Variants in MAPKAP1 observed in about 807,000 individuals in gnomAD.
The protein encoded by MAPKAP1 is target of rapamycin complex 2 subunit MAPKAP1.
In MAPKAP1, 20 loss-of-function variants were observed where a neutral mutation model predicts 65.7. The observed-to-expected ratio is 0.30, with a 90% CI of 0.21 to 0.44. MAPKAP1 has a LOEUF of 0.44. Ranked by LOEUF, MAPKAP1 falls within the 20% of genes least tolerant of loss-of-function variation. The pLI, the probability that MAPKAP1 is intolerant of heterozygous loss-of-function variation, is 1.00. For synonymous variants in MAPKAP1, 222 were observed against 244.3 expected (o/e 0.91, Z 0.85); for missense variants, 423 against 648.0 (o/e 0.65, Z 3.77).
At chr9:125,636,153 TG>T (rs751534027) in intron 4 of MAPKAP1, among the ~76,000 whole-genome samples, 1 of 152,136 alleles carries the variant, frequency 6.6e-6, no homozygotes, top group Non-Finnish European at 1.5e-5. Context: ...GAGTGAACCC[TG>T]GGGAACTGCT....
chr9:125,700,506 T>C (rs1179227598), intron 1 of MAPKAP1, among the ~76,000 whole-genome samples: 1 of 152,242 alleles, frequency 6.6e-6, no homozygotes, highest in Non-Finnish European at 1.5e-5. Flanking sequence ...TTAATTCCAA[T>C]AGTTATTCTA....
intron 10 of MAPKAP1, among the ~76,000 whole-genome samples, chr9:125,466,390 T>G (rs890231591): frequency 6.6e-6 from 1 of 152,190 alleles, no homozygotes; most frequent in Non-Finnish European, 1.5e-5. Context: ...GCAGTGAGCC[T>G]CTTTGTTAAG....
intron 4 of MAPKAP1, among the ~76,000 whole-genome samples, chr9:125,618,441 G>C (rs1027674982): frequency 2.8e-5 from 4 of 141,730 alleles, no homozygotes; most frequent in African/African-American, 1.0e-4. Flanking sequence ...GGAAAAGAAA[G>C]CAGGAAAATA....
At chr9:125,548,663 T>C (rs1404318572) in intron 6 of MAPKAP1, among the ~76,000 whole-genome samples, 1 of 152,130 alleles carries the variant, frequency 6.6e-6, no homozygotes, top group Admixed American at 6.5e-5. Flanking sequence ...ATATAATAAA[T>C]GCTTATAGAT....
chr9:125,551,408 C>G (rs1185830985), intron 6 of MAPKAP1, among the ~76,000 whole-genome samples: 1 of 152,166 alleles, frequency 6.6e-6, no homozygotes, highest in African/African-American at 2.4e-5. Context: ...TCCCTTTCTG[C>G]AGAGCCAAGA....
chr9:125,645,256 T>C (rs557458845), intron 4 of MAPKAP1, among the ~76,000 whole-genome samples: 23 of 152,130 alleles, frequency 1.5e-4, no homozygotes, highest in Non-Finnish European at 2.1e-4. Flanking sequence ...AACCCCAGCC[T>C]CCTCACAAAA....
intron 9 of MAPKAP1, among the ~76,000 whole-genome samples, chr9:125,480,974 G>GAAAAAAA (rs1564525845): frequency 1.0e-5 from 1 of 97,630 alleles, no homozygotes; most frequent in African/African-American, 4.2e-5. Context: ...TCCGTTTCGG[G>GAAAAAAA]GAAAAAAAAA....
At chr9:125,615,846 G>A (rs1315089804) in intron 4 of MAPKAP1, among the ~76,000 whole-genome samples, 8 of 151,788 alleles carry the variant, frequency 5.3e-5, no homozygotes, top group South Asian at 2.1e-4. Flanking sequence ...TTGCAGAGGC[G>A]GATGTTGCAG....
At chr9:125,477,949 G>C (rs1343431508) in intron 9 of MAPKAP1, 1 of 152,200 alleles carries the variant, frequency 6.6e-6, no homozygotes, top group African/African-American at 2.4e-5. Flanking sequence ...GACTGACAGA[G>C]GGAAAGCAGA....
intron 4 of MAPKAP1, among the ~76,000 whole-genome samples, chr9:125,590,612 T>C (rs940074203): frequency 2.7e-5 from 4 of 150,744 alleles, no homozygotes; most frequent in Non-Finnish European, 5.9e-5. Context: ...ATGGCGCCAC[T>C]GCACTCCAGC....
intron 6 of MAPKAP1, among the ~76,000 whole-genome samples, chr9:125,543,535 CA>C (rs1830322691): frequency 6.6e-6 from 1 of 152,046 alleles, no homozygotes; most frequent in Non-Finnish European, 1.5e-5. Flanking sequence ...CTCGGCCTCC[CA>C]AAGTGCTGGG....
At chr9:125,479,976 A>C (rs1854248490) in intron 9 of MAPKAP1, among the ~76,000 whole-genome samples, 1 of 152,200 alleles carries the variant, frequency 6.6e-6, no homozygotes, top group Admixed American at 6.6e-5. Flanking sequence ...AGGTGAAATA[A>C]AATAAATTAT....
intron 1 of MAPKAP1, among the ~76,000 whole-genome samples, chr9:125,705,829 A>G (rs1438479829): frequency 6.6e-6 from 1 of 152,212 alleles, no homozygotes; most frequent in Non-Finnish European, 1.5e-5. Context: ...TGTTCTACAA[A>G]AATCAATGGA....
At chr9:125,521,772 A>C (rs368351158) in intron 7 of MAPKAP1, 1 of 1,612,682 alleles carries the variant, frequency 6.2e-7, no homozygotes, top group African/African-American at 1.3e-5. Flanking sequence ...GCACCTAAGG[A>C]CAAAAAACAG....
chr9:125,541,266 A>G (rs1219934539), intron 7 of MAPKAP1, among the ~76,000 whole-genome samples: 1 of 152,196 alleles, frequency 6.6e-6, no homozygotes, highest in Admixed American at 6.5e-5. Context: ...AAAAACGGGT[A>G]TGCAATTGGA....
chr9:125,447,249 GGAGGAAGA>G lies in MAPKAP1; in HGVS notation c.1346-2659_1346-2652del. ...TGAGGAAGAGTGAAGCAGGTGAGGA[GGAGGAAGA>G]GTCCCAACATTCCCCCACTCTCCCT... On this transcript the variant is annotated intron_variant, in intron 10 of 11. Transcript: ENST00000265960. This position sits in a 1 kb window ranked among gnomAD's most constrained non-coding sequence, Gnocchi z 4.5. 5.2e-6 allele frequency: 2 copies of G among 382,650 alleles called. No individual in the cohort carries two copies. Among genetic ancestry groups the G allele is most frequent in the Admixed American group, 2.8e-5 (1 of 36,114 alleles). The allele number at this position is 382,650 out of a possible 1,614,324, so 23.7% of individuals were successfully genotyped here.
intron 7 of MAPKAP1, among the ~76,000 whole-genome samples, chr9:125,529,104 G>A (rs979958974): frequency 2.0e-5 from 3 of 150,716 alleles, no homozygotes; most frequent in African/African-American, 7.3e-5. Flanking sequence ...AACCTGGAAG[G>A]TGGAGGTTGC....
chr9:125,703,005 C>T (rs1359974010), intron 1 of MAPKAP1, among the ~76,000 whole-genome samples: 1 of 152,076 alleles, frequency 6.6e-6, no homozygotes, highest in Non-Finnish European at 1.5e-5. Context: ...CCTGATAGGA[C>T]GATACCCTGT....
At chr9:125,654,809 G>A (rs1194547146) in intron 4 of MAPKAP1, among the ~76,000 whole-genome samples, 2 of 152,128 alleles carry the variant, frequency 1.3e-5, no homozygotes, top group African/African-American at 4.8e-5. Flanking sequence ...TAACAGTAAA[G>A]CCATAGCAAA....
Sources: gnomAD v4.1 joint callset for allele counts (sites outside exome capture counted in the v4.1 genomes callset) on GRCh38, gnomAD v4.1.1 for gene constraint, Gnocchi (gnomAD v3.1) non-coding constraint, MANE v1.5 for transcripts, NCBI Gene and HGNC (gene_info 2026-07-23, HGNC 2026-07-21) for gene names.